KLHL1: variants seen among roughly 807,000 people sequenced by gnomAD.
KLHL1 encodes kelch like family member 1, also known as kelch-like protein 1.
In KLHL1, 47 loss-of-function variants were observed where a neutral mutation model predicts 77.7. That is an observed-to-expected ratio of 0.60 (90% confidence interval 0.48 to 0.77). The LOEUF (loss-of-function observed/expected upper bound fraction) is 0.77. KLHL1 is among the 30% of genes least tolerant of loss of function. The probability of loss-of-function intolerance (pLI) is 0.00; values close to 1 mark genes in which losing one functional copy is unlikely to be tolerated. For missense variants in KLHL1, 925 were observed against 910.8 expected (o/e 1.02, Z -0.20); for synonymous variants, 360 against 325.2 (o/e 1.11, Z -1.15).
At chr13:69,913,297 AGG>A (rs531030602) in intron 4 of KLHL1, among the ~76,000 whole-genome samples, 1 of 152,202 alleles carries the variant, frequency 6.6e-6, no homozygotes, top group Non-Finnish European at 1.5e-5. Flanking sequence ...CCCAGGAGGC[AGG>A]GAGCTATATC....
chr13:69,890,298 G>A (rs1881379173), intron 4 of KLHL1, among the ~76,000 whole-genome samples: 1 of 151,972 alleles, frequency 6.6e-6, no homozygotes, highest in East Asian at 1.9e-4. Context: ...AAATATTGGT[G>A]TCATCTGGTC....
At position 69,796,899 on chromosome 13, in the gene KLHL1, T is replaced by C; in HGVS notation, c.1478A>G (p.Asn493Ser). ...TNLWIQAGMM[N>S]GRRLQFGVAV... ...CACACCAAACTGCAGCCTTCTGCCATTCATCATCCCTGCCTGGATCCACAG... is the reference window on the plus strand; with the variant it reads ...CACACCAAACTGCAGCCTTCTGCCACTCATCATCCCTGCCTGGATCCACAG... The change falls in exon 7 of 11, where the codon AAT becomes AGT. Residue 493 changes from asparagine (N) to serine (S), a missense_variant. Coordinates refer to ENST00000377844, the MANE Select transcript of KLHL1 (RefSeq NM_020866.3). 1 of 1,614,166 alleles carries C rather than the reference T, an allele frequency of 6.2e-7. No individual in the cohort carries two copies.
intron 6 of KLHL1, among the ~76,000 whole-genome samples, chr13:69,835,240 T>C (rs1878939359): frequency 6.6e-6 from 1 of 152,128 alleles, no homozygotes; most frequent in Non-Finnish European, 1.5e-5. Flanking sequence ...TGTTGGAGAA[T>C]AGAAGACTCA....
At chr13:69,894,123 T>G (rs1881542111) in intron 4 of KLHL1, 1 of 152,436 alleles carries the variant, frequency 6.6e-6, no homozygotes, top group Non-Finnish European at 1.5e-5. Flanking sequence ...TAAAGAACAT[T>G]TATTTCGATT....
intron 7 of KLHL1, among the ~76,000 whole-genome samples, chr13:69,772,222 G>A (rs1253770852): frequency 6.6e-6 from 1 of 151,750 alleles, no homozygotes; most frequent in Non-Finnish European, 1.5e-5. Context: ...GAAAAGCATT[G>A]AAAACCCCAA....
At chr13:70,028,705 G>A (rs1371740223) in intron 1 of KLHL1, among the ~76,000 whole-genome samples, 1 of 152,114 alleles carries the variant, frequency 6.6e-6, no homozygotes, top group Non-Finnish European at 1.5e-5. Context: ...GGCCGGGCAT[G>A]GTAGTTTATG....
rs71116988 is a variant in KLHL1, at chr13:70,084,622, C to CTTTTTTTTTTTTTTTT, written c.497+22565_497+22580dup. 3.1e-3 allele frequency among the ~76,000 whole-genome samples: 47 copies of CTTTTTTTTTTTTTTTT among 14,954 alleles called. 9 individuals carry two copies. Among genetic ancestry groups the CTTTTTTTTTTTTTTTT allele is most frequent in the Non-Finnish European group, 4.0e-3 (39 of 9,850 alleles). The allele number at this position is 14,954 out of a possible 152,430, so 9.8% of individuals were successfully genotyped here. On this transcript the variant is annotated intron_variant, in intron 1 of 10. Coordinates refer to ENST00000377844, the MANE Select transcript of KLHL1 (RefSeq NM_020866.3). ...TACAGGCACCTGCCACCACGCCAGG[C>CTTTTTTTTTTTTTTTT]TTTTTTTTTTTTTTTTTTTTTTTTT... is the stretch of plus-strand genomic sequence containing the variant.
intron 4 of KLHL1, among the ~76,000 whole-genome samples, chr13:69,939,361 A>ATG (rs1566424751): frequency 2.1e-5 from 2 of 93,306 alleles, no homozygotes; most frequent in Non-Finnish European, 4.4e-5. Context: ...ATATATATAT[A>ATG]TATATATATA....
intron 5 of KLHL1, among the ~76,000 whole-genome samples, chr13:69,848,768 A>G (rs540245759): frequency 6.6e-6 from 1 of 151,668 alleles, no homozygotes; most frequent in East Asian, 2.0e-4. Flanking sequence ...TATTCTGAAT[A>G]CAGAAATAGT....
intron 7 of KLHL1, among the ~76,000 whole-genome samples, chr13:69,772,769 A>AT (rs1229727680): frequency 6.6e-6 from 1 of 152,200 alleles, no homozygotes; most frequent in East Asian, 1.9e-4. Context: ...TTGTTTCTGA[A>AT]TAAAGTGCCT....
chr13:69,788,034 G>A (rs1001097943), intron 7 of KLHL1, among the ~76,000 whole-genome samples: 1 of 152,218 alleles, frequency 6.6e-6, no homozygotes, highest in African/African-American at 2.4e-5. Flanking sequence ...AGGATGTGGA[G>A]AAATAGGAAC....
intron 1 of KLHL1, among the ~76,000 whole-genome samples, chr13:70,055,995 A>G (rs1393657377): frequency 6.6e-6 from 1 of 152,090 alleles, no homozygotes; most frequent in Non-Finnish European, 1.5e-5. Context: ...TTAAATATAA[A>G]TGGACTGAAC....
chr13:69,910,987 A>G (rs1488581149), intron 4 of KLHL1, among the ~76,000 whole-genome samples: 3 of 152,122 alleles, frequency 2.0e-5, no homozygotes, highest in African/African-American at 7.2e-5. Context: ...AATCTGCAGT[A>G]CTATCAGCAA....
At chr13:70,008,030 C>A (rs1016505656) in intron 1 of KLHL1, among the ~76,000 whole-genome samples, 19 of 151,880 alleles carry the variant, frequency 1.3e-4, no homozygotes, top group African/African-American at 4.6e-4. Flanking sequence ...AGATATTGAT[C>A]TATTTTGATG....
At chr13:69,860,109 T>G (rs1880077651) in intron 5 of KLHL1, among the ~76,000 whole-genome samples, 2 of 152,098 alleles carry the variant, frequency 1.3e-5, no homozygotes, top group South Asian at 4.1e-4. Context: ...TTTGACTTAA[T>G]GAAAGGCTCA....
chr13:69,804,711 T>C (rs1402841805), intron 6 of KLHL1, among the ~76,000 whole-genome samples: 1 of 152,140 alleles, frequency 6.6e-6, no homozygotes. Flanking sequence ...CAATCACTTA[T>C]GGTTATTAAA....
intron 1 of KLHL1, among the ~76,000 whole-genome samples, chr13:70,073,551 G>C (rs565075222): frequency 1.2e-5 from 1 of 83,868 alleles, no homozygotes; most frequent in Non-Finnish European, 2.5e-5. Context: ...AAAACTTAAA[G>C]TGTAATAAAA....
At chr13:69,884,643 G>T (rs1423742771) in intron 4 of KLHL1, among the ~76,000 whole-genome samples, 1 of 152,046 alleles carries the variant, frequency 6.6e-6, no homozygotes. Flanking sequence ...ACTGTTCAAG[G>T]CATATTTCAT....
chr13:69,737,660 C>G (rs778564711), intron 8 of KLHL1, among the ~76,000 whole-genome samples: 3 of 152,176 alleles, frequency 2.0e-5, no homozygotes, highest in Non-Finnish European at 4.4e-5. Flanking sequence ...GACCCTGATC[C>G]ACTCCTGCTC....
Sources: allele counts gnomAD v4.1 joint callset (sites outside exome capture counted in the v4.1 genomes callset), GRCh38; gene constraint gnomAD v4.1.1; transcripts MANE v1.5; gene names NCBI Gene and HGNC (gene_info 2026-07-23, HGNC 2026-07-21).